Variants in DENND1A observed in about 807,000 individuals in gnomAD.
DENND1A encodes DENN domain-containing protein 1A.
DENND1A carries 51 observed loss-of-function variants against 113.7 expected under a neutral mutation model. That is an observed-to-expected ratio of 0.45 (90% CI 0.36 to 0.57). The LOEUF is 0.57. Ranked by LOEUF, DENND1A falls within the 20% of genes least tolerant of loss-of-function variation. The pLI is 0.00. For synonymous variants in DENND1A, 565 were observed against 570.8 expected, an observed-to-expected ratio of 0.99 and a Z score of 0.14; for missense variants, 1,258 against 1,395.9, an observed-to-expected ratio of 0.90 and a Z score of 1.57.
intron 1 of DENND1A, among the ~76,000 whole-genome samples, chr9:123,888,771 G>T (rs1849469514): frequency 6.6e-6 from 1 of 152,216 alleles, no homozygotes; most frequent in South Asian, 2.1e-4. Flanking sequence ...TGCTGTAAAG[G>T]ATGTTATTGG....
chr9:123,585,466 A>C (rs1274108582), intron 11 of DENND1A, among the ~76,000 whole-genome samples: 1 of 152,264 alleles, frequency 6.6e-6, no homozygotes, highest in Admixed American at 6.5e-5. Context: ...AATGATACAA[A>C]AAACGAGTTC....
At chr9:123,663,190 T>C (rs2063330416) in intron 8 of DENND1A, among the ~76,000 whole-genome samples, 1 of 152,208 alleles carries the variant, frequency 6.6e-6, no homozygotes, top group African/African-American at 2.4e-5. Flanking sequence ...ATGAACACTT[T>C]TTAGAATACA....
At chr9:123,837,403 A>G (rs775989617) in intron 2 of DENND1A, among the ~76,000 whole-genome samples, 1 of 152,204 alleles carries the variant, frequency 6.6e-6, no homozygotes, top group Non-Finnish European at 1.5e-5. Context: ...GTCCTGTTGC[A>G]TTAGCATAAC....
At chr9:123,843,579 C>T in intron 2 of DENND1A, 2 of 206,444 alleles carry the variant, frequency 9.7e-6, no homozygotes, top group East Asian at 1.5e-4. Flanking sequence ...GCAGGTATGG[C>T]CCATCTCCTA....
intron 17 of DENND1A, among the ~76,000 whole-genome samples, chr9:123,451,777 A>G (rs553410757): frequency 6.6e-6 from 1 of 152,354 alleles, no homozygotes; most frequent in African/African-American, 2.4e-5. Context: ...CACCAACACT[A>G]TAAATTAAAA....
chr9:123,612,181 G>A (rs1209643125), intron 10 of DENND1A, among the ~76,000 whole-genome samples: 2 of 152,204 alleles, frequency 1.3e-5, no homozygotes, highest in African/African-American at 4.8e-5. Context: ...TCTACTGCAT[G>A]TTTGCTCTGC....
At chr9:123,738,729 T>C (rs2068761684) in intron 5 of DENND1A, among the ~76,000 whole-genome samples, 1 of 152,198 alleles carries the variant, frequency 6.6e-6, no homozygotes, top group South Asian at 2.1e-4. Context: ...TCAGAGCAAC[T>C]TGAACTGGAC....
At chr9:123,506,630 T>G (rs1309020400) in intron 13 of DENND1A, among the ~76,000 whole-genome samples, 2 of 139,126 alleles carry the variant, frequency 1.4e-5, no homozygotes, top group Non-Finnish European at 3.1e-5. Context: ...TGATTATTAA[T>G]AAGTGTATCC....
chr9:123,438,893 T>G (rs1188597342), intron 19 of DENND1A, among the ~76,000 whole-genome samples: 1 of 152,216 alleles, frequency 6.6e-6, no homozygotes, highest in Non-Finnish European at 1.5e-5. Flanking sequence ...TTTTTTGTGT[T>G]TCGAAAATGG....
chr9:123,638,113 G>A (rs368258398), intron 9 of DENND1A, among the ~76,000 whole-genome samples: 2 of 152,012 alleles, frequency 1.3e-5, no homozygotes, highest in Non-Finnish European at 2.9e-5. Context: ...CTATCTACTA[G>A]AGTAATTAGA....
At chr9:123,704,770 A>C (rs1285666367) in intron 5 of DENND1A, among the ~76,000 whole-genome samples, 1 of 152,204 alleles carries the variant, frequency 6.6e-6, no homozygotes, top group Non-Finnish European at 1.5e-5. Context: ...ACCAACAGCC[A>C]AGCAGATCTA....
chr9:123,780,166 T>C (rs1831084397), intron 3 of DENND1A, among the ~76,000 whole-genome samples: 1 of 152,130 alleles, frequency 6.6e-6, no homozygotes, highest in African/African-American at 2.4e-5. Flanking sequence ...GCACAAGACT[T>C]TCTAACCCTC....
chr9:123,674,393 C>A (rs947859753), intron 6 of DENND1A, among the ~76,000 whole-genome samples: 3 of 139,004 alleles, frequency 2.2e-5, no homozygotes, highest in Non-Finnish European at 4.8e-5. Flanking sequence ...CACACACACA[C>A]AATAGAAGCC....
At chr9:123,541,615 G>T (rs2056293911) in intron 13 of DENND1A, among the ~76,000 whole-genome samples, 1 of 152,164 alleles carries the variant, frequency 6.6e-6, no homozygotes, top group African/African-American at 2.4e-5. Context: ...GACCTGCCAG[G>T]TCACATCACT....
At chr9:123,729,435 T>C (rs2067995031) in intron 5 of DENND1A, among the ~76,000 whole-genome samples, 1 of 152,120 alleles carries the variant, frequency 6.6e-6, no homozygotes, top group African/African-American at 2.4e-5. Context: ...AAAATCCACA[T>C]GCAAAAACAA....
chr9:123,913,886 G>C (rs575965765), intron 1 of DENND1A, among the ~76,000 whole-genome samples: 3 of 139,168 alleles, frequency 2.2e-5, no homozygotes, highest in African/African-American at 8.2e-5. Context: ...GCCTGGGCTC[G>C]AAACTCCTAT....
chr9:123,536,395 G>C (rs145129331), intron 13 of DENND1A, among the ~76,000 whole-genome samples: 1 of 151,590 alleles, frequency 6.6e-6, no homozygotes, highest in South Asian at 2.1e-4. Context: ...GCTTGAACCC[G>C]GGAGGCAGAA....
intron 13 of DENND1A, among the ~76,000 whole-genome samples, chr9:123,556,208 C>G (rs1023010445): frequency 6.6e-6 from 1 of 152,322 alleles, no homozygotes; most frequent in South Asian, 2.1e-4. Context: ...TGTGAGCACA[C>G]AGTGACGATG....
At chr9:123,898,378 G>A (rs1476263683) in intron 1 of DENND1A, among the ~76,000 whole-genome samples, 1 of 152,080 alleles carries the variant, frequency 6.6e-6, no homozygotes, top group African/African-American at 2.4e-5. Flanking sequence ...AGCCCAGACT[G>A]GAGTGCAATG....
Sources: allele counts gnomAD v4.1 joint callset (sites outside exome capture counted in the v4.1 genomes callset), GRCh38; gene constraint gnomAD v4.1.1; transcripts MANE v1.5; gene names NCBI Gene and HGNC (gene_info 2026-07-23, HGNC 2026-07-21).